Variants in AOX1 observed in about 807,000 individuals in gnomAD.
The protein encoded by AOX1 is aldehyde oxidase 1.
A neutral mutation model predicts 169.5 loss-of-function variants in AOX1; 153 were observed. The observed-to-expected ratio is 0.90, with a 90% CI of 0.79 to 1.03. The LOEUF is 1.03. AOX1 is among the 50% of genes least tolerant of loss of function. AOX1 has a pLI of 0.00. For synonymous variants in AOX1, 562 were observed against 581.9 expected (o/e 0.97, Z 0.49); for missense variants, 1,656 against 1,663.9 (o/e 1.00, Z 0.08).
Position 200,611,381 on chromosome 2 carries a change from C to T in AOX1, c.1154-3C>T. On this transcript the variant is annotated splice_polypyrimidine_tract_variant and splice_region_variant and intron_variant, in intron 12 of 34. Coordinates refer to ENST00000374700, the MANE Select transcript of AOX1 (RefSeq NM_001159.4). ...CCAGGGAAAGTGTCATTTCTTTCCA[C>T]AGAAGGAAAACGACAGATTCCTTTA... 4 of 1,601,992 alleles carry T rather than the reference C, an allele frequency of 2.5e-6. No individual in the cohort carries two copies. The highest frequency in any genetic ancestry group is 3.4e-6 in the Non-Finnish European group (4 of 1,169,174).
chr2:200,612,557 G>A, intron 13 of AOX1, 52 bp from the exon 14 acceptor site: 1 of 1,578,834 alleles, frequency 6.3e-7, no homozygotes, highest in Non-Finnish European at 8.6e-7. Flanking sequence ...ACTGCCCAGT[G>A]CATAGGTGAT....
At chr2:200,653,515 C>T (rs2035621412) in intron 26 of AOX1, among the ~76,000 whole-genome samples, 1 of 152,166 alleles carries the variant, frequency 6.6e-6, no homozygotes. Context: ...AACTGAAGCT[C>T]ATAGGGATTC....
chr2:200,595,114 T>C (rs1434586266), intron 2 of AOX1, among the ~76,000 whole-genome samples, 158 bp from the exon 3 acceptor site: 1 of 152,240 alleles, frequency 6.6e-6, no homozygotes, highest in Non-Finnish European at 1.5e-5. Flanking sequence ...TATTATAGCT[T>C]CTATAATAGT....
chr2:200,635,619 A>C (rs140797939), intron 21 of AOX1, among the ~76,000 whole-genome samples: 40 of 152,252 alleles, frequency 2.6e-4, no homozygotes, highest in Admixed American at 1.5e-3. Flanking sequence ...AGATCAAATG[A>C]CACCCATTCA....
At chr2:200,601,457 T>C (rs983774276) in intron 5 of AOX1, among the ~76,000 whole-genome samples, 4 of 152,150 alleles carry the variant, frequency 2.6e-5, no homozygotes, top group Non-Finnish European at 4.4e-5. Context: ...GTTATAGTAA[T>C]CACAAAATAA....
At chr2:200,587,862 T>G (rs1209729085) in intron 1 of AOX1, among the ~76,000 whole-genome samples, 1 of 152,150 alleles carries the variant, frequency 6.6e-6, no homozygotes, top group Non-Finnish European at 1.5e-5. Flanking sequence ...AGTTTCTCTG[T>G]TAAAAGGGGA....
rs370595819 is a variant in AOX1, at chr2:200,602,324, T to G, written c.477T>G (p.Asp159Glu). The change falls in exon 6 of 35, where the codon GAT becomes GAG. Residue 159 changes from aspartate (D) to glutamate (E), a missense_variant. Physicochemically the swap from Asp to Glu is conservative, Grantham distance 45 (BLOSUM62 2). Coordinates refer to ENST00000374700, the MANE Select transcript of AOX1 (RefSeq NM_001159.4). ...GCACTGGATACAGGCCCATAATTGA[T>G]GCATGCAAGACTTTCTGTAAAGTAA... ...CRCTGYRPIIDACKTFCKTSG... is the reference protein window; with the variant it reads ...CRCTGYRPIIEACKTFCKTSG... 6 of 1,613,854 alleles carry G rather than the reference T, an allele frequency of 3.7e-6. No homozygotes were observed. The African/African-American group carries it at 8.0e-5, about 22-fold the overall frequency.
rs778227422 is a variant in AOX1 at position 200,641,113 on chromosome 2, G to A, written c.2584G>A (p.Asp862Asn). ...LGKYKAGFMNDGRILALDMEH... is the reference protein window; with the variant it reads ...LGKYKAGFMNNGRILALDMEH... ...TCTTCCCCAGGCTGGATTCATGAACGATGGCAGAATCTTGGCCCTGGACAT... is the reference window on the plus strand; with the variant it reads ...TCTTCCCCAGGCTGGATTCATGAACAATGGCAGAATCTTGGCCCTGGACAT... Residue 862 changes from aspartate to asparagine, a missense_variant, in exon 24 of 35, where the codon GAT becomes AAT. Coordinates refer to ENST00000374700, the MANE Select transcript of AOX1 (RefSeq NM_001159.4). The A allele has an allele frequency of 8.1e-6, 13 of 1,612,950 alleles. No individual in the cohort carries two copies. In the Admixed American group the frequency reaches 8.3e-5, roughly 10 times the overall value.
chr2:200,668,616 T>C lies in AOX1; in HGVS notation c.3611T>C (p.Ile1204Thr), dbSNP rs778497143. The part of the protein sequence containing the change: ...SINPAIDIGQ[I>T]EGAFIQGMGL... ...ATTCTTTTTTTGTTCTTGCCTCAGA[T>C]TGAAGGTGCATTTATTCAAGGCATG... The change falls in exon 33 of 35, where the codon ATT (isoleucine) becomes ACT (threonine). Residue 1204 changes from isoleucine to threonine, a missense_variant and splice_region_variant. By Grantham distance (89) the Ile-to-Thr change is moderately conservative. Transcript: ENST00000374700. 9.4e-6 allele frequency: 15 copies of C among 1,601,272 alleles called. No individual in the cohort carries two copies. The highest frequency in any genetic ancestry group is 5.4e-5 in the African/African-American group (4 of 74,356).
intron 19 of AOX1, among the ~76,000 whole-genome samples, 177 bp from the exon 20 acceptor site, chr2:200,627,176 G>A (rs547256655): frequency 6.6e-6 from 1 of 152,290 alleles, no homozygotes; most frequent in South Asian, 2.1e-4. Flanking sequence ...CCTCACTGGG[G>A]AGTCTCTCTG....
In AOX1 at chr2:200,599,707, C is replaced by T. The variant is rs780587326; in HGVS notation, c.397C>T (p.Pro133Ser). ...CATCTACACGCTGCTCAGGAACCACCCAGAGCCCACTCTGGATCAGTTAAC... is the reference window on the plus strand; with the variant it reads ...CATCTACACGCTGCTCAGGAACCACTCAGAGCCCACTCTGGATCAGTTAAC... ...MSIYTLLRNH[P>S]EPTLDQLTDA... is the part of the protein sequence containing the mutation. The change falls in exon 5 of 35, where the codon CCA becomes TCA. Residue 133 changes from proline (P) to serine (S), a missense_variant. Transcript: ENST00000374700. 7 of 1,611,282 alleles carry T rather than the reference C, an allele frequency of 4.3e-6. No individual in the cohort carries two copies. The Admixed American group carries it at 1.2e-4, about 27-fold the overall frequency.
At chr2:200,628,779 A>C (rs1179671099) in intron 20 of AOX1, among the ~76,000 whole-genome samples, 2 of 152,070 alleles carry the variant, frequency 1.3e-5, no homozygotes, top group Non-Finnish European at 2.9e-5. Context: ...AAATACAAAA[A>C]TTCCAGGCGT....
chr2:200,655,495 C>T (rs1261036361), intron 26 of AOX1, among the ~76,000 whole-genome samples: 2 of 152,162 alleles, frequency 1.3e-5, no homozygotes, highest in Non-Finnish European at 2.9e-5. Flanking sequence ...TCCCAAGGTC[C>T]TTGGGTGTCA....
At chr2:200,653,837 T>C (rs936385155) in intron 26 of AOX1, among the ~76,000 whole-genome samples, 1 of 152,264 alleles carries the variant, frequency 6.6e-6, no homozygotes, top group Non-Finnish European at 1.5e-5. Context: ...ATTCTCACAG[T>C]GTTTCAACCT....
At chr2:200,674,041 C>A (rs2036062137), downstream of AOX1, among the ~76,000 whole-genome samples, 1 of 152,206 alleles carries the variant, frequency 6.6e-6, no homozygotes, top group African/African-American at 2.4e-5. Flanking sequence ...AGCAGAACAT[C>A]CAGAACCAAG....
At chr2:200,609,716 A>C (rs1020791790) in intron 12 of AOX1, among the ~76,000 whole-genome samples, 1 of 152,180 alleles carries the variant, frequency 6.6e-6, no homozygotes, top group Non-Finnish European at 1.5e-5. Flanking sequence ...ACTACATACT[A>C]TTGAGAACTA....
rs144899444 is a variant in AOX1 at position 200,662,049 on chromosome 2, T to C, written c.3428+418T>C. 4.6e-5 allele frequency among the ~76,000 whole-genome samples: 7 copies of C among 152,244 alleles called. No individual in the cohort carries two copies. The East Asian group carries it at 5.8e-4, about 13-fold the overall frequency. ...ACCTTCAGGATTGGCAAAAAAGAAATTGGACCATAACCATGTTACATTAAG... is the reference window on the plus strand; with the variant it reads ...ACCTTCAGGATTGGCAAAAAAGAAACTGGACCATAACCATGTTACATTAAG... On this transcript the variant is annotated intron_variant, in intron 30 of 34. Coordinates refer to ENST00000374700, the MANE Select transcript of AOX1 (RefSeq NM_001159.4).
intron 10 of AOX1, among the ~76,000 whole-genome samples, chr2:200,606,692 C>G (rs2105702441): frequency 6.6e-6 from 1 of 152,238 alleles, no homozygotes; most frequent in African/African-American, 2.4e-5. Flanking sequence ...TGAAGAGGTC[C>G]TTAACATCCC....
At chr2:200,681,687 G>A (rs1260630969), downstream of AOX1, among the ~76,000 whole-genome samples, 1 of 152,184 alleles carries the variant, frequency 6.6e-6, no homozygotes, top group Middle Eastern at 3.2e-3. Context: ...CTGAGGCAGT[G>A]AGCCAGAAAG....
Sources: allele counts gnomAD v4.1 joint callset (sites outside exome capture counted in the v4.1 genomes callset), GRCh38; gene constraint gnomAD v4.1.1; transcripts MANE v1.5; gene names NCBI Gene and HGNC (gene_info 2026-07-23, HGNC 2026-07-21).